Variants in SOD3 observed in about 807,000 individuals in gnomAD.
SOD3 encodes the protein superoxide dismutase 3.
In SOD3, 3 loss-of-function variants were observed where a neutral mutation model predicts 2.6. The ratio of observed to expected loss-of-function variants is 1.13; its 90% CI spans 0.52 to 2.93. The LOEUF (loss-of-function observed/expected upper bound fraction) is 2.93. Among genes scored for constraint, SOD3 ranks in the 30% most tolerant of loss-of-function variants. The pLI is 0.04. For synonymous variants in SOD3, 188 were observed against 177.5 expected, an observed-to-expected ratio of 1.06 and a Z score of -0.47; for missense variants, 379 against 370.4, an observed-to-expected ratio of 1.02 and a Z score of -0.19.
At chr4:24,798,076 CCT>C (rs17881076) in intron 1 of SOD3, among the ~76,000 whole-genome samples, 1 of 151,906 alleles carries the variant, frequency 6.6e-6, no homozygotes, top group Non-Finnish European at 1.5e-5. Context: ...TCCCTTCCTT[CCT>C]CTCTCTCTGT....
chr4:24,798,677 T>C (rs1713743542), intron 1 of SOD3, among the ~76,000 whole-genome samples: 1 of 152,168 alleles, frequency 6.6e-6, no homozygotes, highest in Non-Finnish European at 1.5e-5. Context: ...ACTTTTCTTC[T>C]TAAAAACTTC....
chr4:24,800,107 G>A lies in SOD3; in HGVS notation c.586G>A (p.Val196Met), dbSNP rs944364221. ...DLGRGGNQAS[V>M]ENGNAGRRLA... Reference sequence around the variant, plus strand: ...GGGCCGCGGCGGCAACCAGGCCAGCGTGGAGAACGGGAACGCGGGCCGGCG... The same window carrying A: ...GGGCCGCGGCGGCAACCAGGCCAGCATGGAGAACGGGAACGCGGGCCGGCG... The change falls in exon 2 of 2, where the codon GTG becomes ATG. Residue 196 changes from valine to methionine, a missense_variant. Physicochemically the swap from Val to Met is conservative, Grantham distance 21 (BLOSUM62 1). Transcript: ENST00000382120. The A allele has an allele frequency of 1.1e-4, 149 of 1,386,396 alleles. No individual in the cohort carries two copies. The highest frequency in any genetic ancestry group is 1.3e-4 in the Non-Finnish European group (145 of 1,081,074). The allele number at this position is 1,386,396 out of a possible 1,614,324, so 85.9% of individuals were successfully genotyped here. A position where few individuals can be genotyped will look rare whatever the true frequency, so the allele number is the denominator to read the frequency against.
At chr4:24,796,435 CTT>C (rs34368349) in intron 1 of SOD3, among the ~76,000 whole-genome samples, 942 of 71,802 alleles carry the variant, frequency 0.013, 2 homozygotes, top group African/African-American at 0.048. Flanking sequence ...TCCTTCTTCT[CTT>C]TTTTTTTTTT....
intron 1 of SOD3, among the ~76,000 whole-genome samples, chr4:24,798,736 A>C (rs983293853): frequency 6.6e-6 from 1 of 151,646 alleles, no homozygotes; most frequent in Non-Finnish European, 1.5e-5. Flanking sequence ...TGGCTGGAAA[A>C]CTCCTACCCA....
In SOD3 at chr4:24,800,189, G is replaced by A. The variant is rs1173432608; in HGVS notation, c.668G>A (p.Arg223Gln). 9.1e-6 allele frequency: 13 copies of A among 1,429,616 alleles called. No homozygotes were observed. In the African/African-American group the frequency reaches 1.6e-4, roughly 18 times the overall value. The allele number at this position is 1,429,616 out of a possible 1,614,324, so 88.6% of individuals were successfully genotyped here. ...CCCGGGCTCTGGGAGCGCCAGGCGC[G>A]GGAGCACTCAGAGCGCAAGAAGCGG... ...CGPGLWERQA[R>Q]EHSERKKRRR... The change falls in exon 2 of 2, where the codon CGG becomes CAG. Residue 223 changes from arginine to glutamine, a missense_variant. By Grantham distance (43) the Arg-to-Gln change is conservative (BLOSUM62 1). Coordinates refer to ENST00000382120, the MANE Select transcript of SOD3 (RefSeq NM_003102.4).
Position 24,799,573 on chromosome 4 carries a change from G to T in SOD3, c.52G>T (p.Ala18Ser). Residue 18 changes from alanine (A) to serine (S), a missense_variant, in exon 2 of 2, where the codon GCC becomes TCC. By Grantham distance (99) the Ala-to-Ser change is moderately conservative. Coordinates refer to ENST00000382120, the MANE Select transcript of SOD3 (RefSeq NM_003102.4). ...CLLLAAGASDAWTGEDSAEPN... is the reference protein window; with the variant it reads ...CLLLAAGASDSWTGEDSAEPN... ...GCTCCTGGCAGCCGGTGCCTCGGACGCCTGGACGGGCGAGGACTCGGCGGA... is the reference window on the plus strand; with the variant it reads ...GCTCCTGGCAGCCGGTGCCTCGGACTCCTGGACGGGCGAGGACTCGGCGGA... The T allele has an allele frequency of 1.2e-6, 2 of 1,602,400 alleles. No homozygotes were observed. Among genetic ancestry groups the T allele is most frequent in the Non-Finnish European group, 8.5e-7 (1 of 1,178,834 alleles).
At chr4:24,798,635 G>C (rs970193573) in intron 1 of SOD3, among the ~76,000 whole-genome samples, 6 of 151,944 alleles carry the variant, frequency 3.9e-5, no homozygotes, top group African/African-American at 7.3e-5. Flanking sequence ...TTACCAGTAG[G>C]ACTTAAGGAA....
At chr4:24,795,726 G>C (rs112788461) in intron 1 of SOD3, 75 bp downstream of exon 1, 1 of 152,478 alleles carries the variant, frequency 6.6e-6, no homozygotes, top group Non-Finnish European at 1.5e-5. Flanking sequence ...TTGGGGCAAC[G>C]GGCCTCTTCT....
rs34368349 is a variant in SOD3 at position 24,796,435 on chromosome 4, C to CTTTTTTTTTTTTT, written c.-17+798_-17+810dup. Among the ~76,000 whole-genome samples the CTTTTTTTTTTTTT allele has an allele frequency of 1.5e-4, 11 of 71,978 alleles. 3 individuals are homozygous for CTTTTTTTTTTTTT. The East Asian group carries it at 5.1e-3, about 33-fold the overall frequency. The allele number at this position is 71,978 out of a possible 152,430, so 47.2% of individuals were successfully genotyped here. A position where few individuals can be genotyped will look rare whatever the true frequency, so the allele number is the denominator to read the frequency against. Reference sequence around the variant, plus strand: ...TTTTCCTCCTCCTCCTCCTTCTTCTCTTTTTTTTTTTTTTTTTTTTTTTTT... The same window carrying CTTTTTTTTTTTTT: ...TTTTCCTCCTCCTCCTCCTTCTTCTCTTTTTTTTTTTTTTTTTTTTTTTTTTTTTTTTTTTTTT... On this transcript the variant is annotated intron_variant, in intron 1 of 1. Coordinates refer to ENST00000382120, the MANE Select transcript of SOD3 (RefSeq NM_003102.4).
chr4:24,799,668 C>A lies in SOD3; in HGVS notation c.147C>A (p.Val49=). 6.2e-7 allele frequency: 1 copy of A among 1,600,452 alleles called. No homozygotes were observed. The highest frequency in any genetic ancestry group is 1.3e-5 in the African/African-American group (1 of 74,876). Residue 49 remains valine, a synonymous_variant, in exon 2 of 2, where the codon GTC becomes GTA. Transcript: ENST00000382120. ...YAKVTEIWQE[V]MQRRDDDGAL... Reference sequence around the variant, plus strand: ...AGGTCACGGAGATCTGGCAGGAGGTCATGCAGCGGCGGGACGACGACGGCG... The same window carrying A: ...AGGTCACGGAGATCTGGCAGGAGGTAATGCAGCGGCGGGACGACGACGGCG...
rs1347315589 is a variant in SOD3 at position 24,800,480 on chromosome 4, T to G, written c.*236T>G. ...ACTCAGTAGGTCTGAAGGCCTCCAT[T>G]TGTACCGAAACACCCCGCTCACGCT... On this transcript the variant is annotated 3_prime_UTR_variant, in exon 2 of 2. Coordinates refer to ENST00000382120, the MANE Select transcript of SOD3 (RefSeq NM_003102.4). 2.6e-6 allele frequency: 1 copy of G among 386,440 alleles called. No homozygotes were observed. The highest frequency in any genetic ancestry group is 4.7e-6 in the Non-Finnish European group (1 of 211,240). The allele number at this position is 386,440 out of a possible 1,614,324, so 23.9% of individuals were successfully genotyped here.
chr4:24,798,210 C>A (rs923608565), intron 1 of SOD3, among the ~76,000 whole-genome samples: 1 of 152,112 alleles, frequency 6.6e-6, no homozygotes, highest in African/African-American at 2.4e-5. Context: ...CCAGCTTCAT[C>A]TCCTCTTCTA....
chr4:24,796,859 G>C (rs1713682126), intron 1 of SOD3, among the ~76,000 whole-genome samples: 1 of 152,138 alleles, frequency 6.6e-6, no homozygotes, highest in Non-Finnish European at 1.5e-5. Context: ...GTTTTGCTCT[G>C]TGCTTTTAGG....
At position 24,800,048 on chromosome 4, in the gene SOD3, G is replaced by T; in HGVS notation, c.527G>T (p.Arg176Leu). Reference protein sequence around the residue: ...SLAGPHSIVGRAVVVHAGEDD... With the variant: ...SLAGPHSIVGLAVVVHAGEDD... ...GCGGGCCCGCACTCCATCGTGGGCCGGGCCGTGGTCGTCCACGCTGGCGAG... is the reference window on the plus strand; with the variant it reads ...GCGGGCCCGCACTCCATCGTGGGCCTGGCCGTGGTCGTCCACGCTGGCGAG... The change falls in exon 2 of 2, where the codon CGG becomes CTG. Residue 176 changes from arginine to leucine, a missense_variant. Transcript: ENST00000382120. The T allele has an allele frequency of 3.4e-6, 5 of 1,471,640 alleles. No individual in the cohort carries two copies. The highest frequency in any genetic ancestry group is 4.5e-6 in the Non-Finnish European group (5 of 1,122,644). 91.2% of individuals were successfully genotyped at this position (1,471,640 alleles called of 1,614,324 possible).
Position 24,800,046 on chromosome 4 carries a change from C to T in SOD3, c.525C>T (p.Gly175=), listed in dbSNP as rs1415733410. Residue 175 remains glycine, a synonymous_variant, in exon 2 of 2, where the codon GGC becomes GGT. Transcript: ENST00000382120. ...ASLAGPHSIV[G]RAVVVHAGED... ...TCGCGGGCCCGCACTCCATCGTGGG[C>T]CGGGCCGTGGTCGTCCACGCTGGCG... is the stretch of plus-strand genomic sequence containing the variant. The T allele has an allele frequency of 6.7e-6, 10 of 1,487,184 alleles. No individual in the cohort carries two copies. Among genetic ancestry groups the T allele is most frequent in the Admixed American group, 2.4e-5 (1 of 41,256 alleles). 92.1% of individuals were successfully genotyped at this position (1,487,184 alleles called of 1,614,324 possible). A position where few individuals can be genotyped will look rare whatever the true frequency, so the allele number is the denominator to read the frequency against.
chr4:24,800,011 G>A lies in SOD3; in HGVS notation c.490G>A (p.Ala164Thr), dbSNP rs980848341. 8 of 1,550,210 alleles carry A rather than the reference G, an allele frequency of 5.2e-6. No homozygotes were observed. The highest frequency in any genetic ancestry group is 1.2e-5 in the South Asian group (1 of 84,928). The change falls in exon 2 of 2, where the codon GCC (alanine) becomes ACC (threonine). Residue 164 changes from alanine to threonine, a missense_variant. Ala to Thr is a moderately conservative substitution (Grantham distance 58). Coordinates refer to ENST00000382120, the MANE Select transcript of SOD3 (RefSeq NM_003102.4). ...GSLWRYRAGLAASLAGPHSIV... is the reference protein window; with the variant it reads ...GSLWRYRAGLTASLAGPHSIV... Reference sequence around the variant, plus strand: ...CCTCTGGAGGTACCGCGCCGGCCTGGCCGCCTCGCTCGCGGGCCCGCACTC... The same window carrying A: ...CCTCTGGAGGTACCGCGCCGGCCTGACCGCCTCGCTCGCGGGCCCGCACTC...
Position 24,799,694 on chromosome 4 carries a change from C to G in SOD3, c.173C>G (p.Ala58Gly), listed in dbSNP as rs756196990. The G allele has an allele frequency of 8.3e-6, 13 of 1,574,054 alleles. No homozygotes were observed. In the African/African-American group the frequency reaches 1.8e-4, roughly 21 times the overall value. The part of the protein sequence containing the change: ...EVMQRRDDDG[A>G]LHAACQVQPS... ...ATGCAGCGGCGGGACGACGACGGCG[C>G]GCTCCACGCCGCCTGCCAGGTGCAG... The change falls in exon 2 of 2, where the codon GCG becomes GGG. Residue 58 changes from alanine to glycine, a missense_variant. Ala to Gly is a moderately conservative substitution (Grantham distance 60). Transcript: ENST00000382120.
Position 24,799,531 on chromosome 4 carries a change from C to G in SOD3, c.10C>G (p.Leu4Val), listed in dbSNP as rs1472387005. ...GTGCCCGACTCCAGCCATGCTGGCG[C>G]TACTGTGTTCCTGCCTGCTCCTGGC... Reference protein sequence around the residue: MLALLCSCLLLAAG... With the variant: MLAVLCSCLLLAAG... Residue 4 changes from leucine to valine, a missense_variant, in exon 2 of 2, where the codon CTA (leucine) becomes GTA (valine). Transcript: ENST00000382120. The G allele has an allele frequency of 6.3e-7, 1 of 1,599,696 alleles. No individual in the cohort carries two copies. Among genetic ancestry groups the G allele is most frequent in the South Asian group, 1.1e-5 (1 of 90,554 alleles).
chr4:24,797,294 C>T (rs151038180), intron 1 of SOD3, among the ~76,000 whole-genome samples: 231 of 152,348 alleles, frequency 1.5e-3, no homozygotes, highest in African/African-American at 5.2e-3. Flanking sequence ...TTGGAGCAGA[C>T]ACACACTTTC....
Sources: allele counts gnomAD v4.1 joint callset (sites outside exome capture counted in the v4.1 genomes callset), GRCh38; gene constraint gnomAD v4.1.1; transcripts MANE v1.5; gene names NCBI Gene and HGNC (gene_info 2026-07-23, HGNC 2026-07-21).